Variants in SLC3A2 observed in about 807,000 individuals in gnomAD.
SLC3A2 encodes the protein solute carrier family 3 member 2.
SLC3A2 carries 32 observed loss-of-function variants against 48.5 expected under a neutral mutation model. The observed-to-expected ratio is 0.66, with a 90% CI of 0.50 to 0.89. SLC3A2 has a LOEUF of 0.89. SLC3A2 is among the 40% of genes least tolerant of loss of function. The pLI, the probability that SLC3A2 is intolerant of heterozygous loss-of-function variation, is 0.00. For synonymous variants in SLC3A2, 277 were observed against 288.8 expected (o/e 0.96, Z 0.41); for missense variants, 587 against 680.7 (o/e 0.86, Z 1.53).
chr11:62,856,170 C>A (rs1455920643), exon 1 of SLC3A2: 2 of 932,766 alleles, frequency 2.1e-6, no homozygotes, highest in South Asian at 1.8e-5. Context: ...CACTGCCTCA[C>A]GGCGATCCTG....
In SLC3A2 at chr11:62,867,016, T is replaced by C. The variant is rs184642754; in HGVS notation, c.112+10635T>C. The stretch of plus-strand genomic sequence containing the variant: ...TCTTTTTCTTTCTGTTTTTTTGAGA[T>C]GGAGTTTCTTGTTGTGCAGGCTGGA... On this transcript the variant is annotated intron_variant, in intron 1 of 9. Transcript: ENST00000377889. Among the ~76,000 whole-genome samples, 454 of 152,232 alleles carry C rather than the reference T, an allele frequency of 3.0e-3. 2 individuals carry two copies. Among genetic ancestry groups the C allele is most frequent in the African/African-American group, 9.4e-3 (389 of 41,544 alleles).
intron 7 of SLC3A2, among the ~76,000 whole-genome samples, chr11:62,886,277 A>G (rs1485521857): frequency 6.0e-5 from 9 of 149,330 alleles, no homozygotes; most frequent in Admixed American, 4.7e-4. Context: ...CGGCAGAGGG[A>G]GACTCCTTCT....
chr11:62,862,266 C>A (rs781373771), intron 1 of SLC3A2, among the ~76,000 whole-genome samples: 12 of 130,604 alleles, frequency 9.2e-5, no homozygotes, highest in Non-Finnish European at 1.9e-4. Flanking sequence ...ACGATGAGCT[C>A]ATCGCAACGA....
chr11:62,885,260 G>A lies in SLC3A2; in HGVS notation c.902G>A (p.Ser301Asn), dbSNP rs373560418. 2 of 1,614,202 alleles carry A rather than the reference G, an allele frequency of 1.2e-6. No homozygotes were observed. Among genetic ancestry groups the A allele is most frequent in the East Asian group, 4.5e-5 (2 of 44,878 alleles). The stretch of plus-strand genomic sequence containing the variant: ...TCCAACAAAGACTTGCTGTTGACTA[G>A]CTCATACCTGTCTGATTCTGGTTCT... ...LESNKDLLLT[S>N]SYLSDSGSTG... is the part of the protein sequence containing the mutation. The change falls in exon 6 of 9, where the codon AGC becomes AAC. Residue 301 changes from serine to asparagine, a missense_variant. This residue lies in a region of SLC3A2 where 409 missense variants were observed against 446.7 expected (regional missense o/e 0.92). Transcript: ENST00000338663.
intron 1 of SLC3A2, among the ~76,000 whole-genome samples, chr11:62,860,113 CTG>C (rs1236616905): frequency 4.6e-5 from 7 of 152,230 alleles, no homozygotes; most frequent in African/African-American, 1.4e-4. Context: ...GCAAAGGACT[CTG>C]TGTCATAAAT....
chr11:62,874,982 C>G (rs538671918), intron 1 of SLC3A2, among the ~76,000 whole-genome samples: 1 of 152,050 alleles, frequency 6.6e-6, no homozygotes, highest in East Asian at 1.9e-4. Context: ...AAGCTGGTCT[C>G]GAATTCCTGA....
chr11:62,883,379 T>C (rs2085667852), intron 3 of SLC3A2: 1 of 231,702 alleles, frequency 4.3e-6, no homozygotes. Context: ...CAGTCTGAAA[T>C]TATAAGCACT....
chr11:62,888,266 G>T, intron 8 of SLC3A2, 48 bp downstream of exon 8: 1 of 1,610,220 alleles, frequency 6.2e-7, no homozygotes. Flanking sequence ...GGTGGGCTGG[G>T]CTTGTAGAAG....
At chr11:62,873,260 G>A (rs1397426762) in intron 1 of SLC3A2, among the ~76,000 whole-genome samples, 2 of 151,780 alleles carry the variant, frequency 1.3e-5, no homozygotes, top group Non-Finnish European at 2.9e-5. Flanking sequence ...AGGCCAAGTC[G>A]GGCAGATCAT....
chr11:62,871,640 C>A, intron 1 of SLC3A2: 1 of 663,094 alleles, frequency 1.5e-6, no homozygotes. Flanking sequence ...GATCCTCCTG[C>A]CTTAGCTTCC....
At position 62,881,804 on chromosome 11, in the gene SLC3A2, T is replaced by TC. The variant is rs1565253491; in HGVS notation, c.425-86dup. On this transcript the variant is annotated intron_variant, in intron 1 of 8. Transcript: ENST00000338663. The surrounding 1 kb of genome is among the most constrained non-coding windows in gnomAD (Gnocchi z 4.0). ...TCTCTCCCCCTTTGCCCCCTCCCCGTCCCACCCTTAGGCGCTGGGAGAAGG... is the reference window on the plus strand; with the variant it reads ...TCTCTCCCCCTTTGCCCCCTCCCCGTCCCCACCCTTAGGCGCTGGGAGAAGG... 7 of 1,474,686 alleles carry TC rather than the reference T, an allele frequency of 4.7e-6. No individual in the cohort carries two copies. The highest frequency in any genetic ancestry group is 6.5e-6 in the Non-Finnish European group (7 of 1,080,428). 91.4% of individuals were successfully genotyped at this position (1,474,686 alleles called of 1,614,324 possible). A position where few individuals can be genotyped will look rare whatever the true frequency, so the allele number is the denominator to read the frequency against.
chr11:62,887,445 G>A (rs1176412406), intron 7 of SLC3A2, among the ~76,000 whole-genome samples: 2 of 152,172 alleles, frequency 1.3e-5, no homozygotes, highest in Non-Finnish European at 2.9e-5. Context: ...GCTTATGCCT[G>A]TAATCCCAGC....
intron 1 of SLC3A2, among the ~76,000 whole-genome samples, chr11:62,871,043 C>G (rs1461063497): frequency 6.6e-6 from 1 of 150,950 alleles, no homozygotes. Context: ...CGCCACCACG[C>G]CTGGCTAATT....
chr11:62,871,243 T>C (rs2085512903), intron 1 of SLC3A2, among the ~76,000 whole-genome samples: 1 of 147,340 alleles, frequency 6.8e-6, no homozygotes, highest in Admixed American at 6.8e-5. Context: ...GGCTTATCTT[T>C]TTTTTTTTTT....
At position 62,881,419 on chromosome 11, in the gene SLC3A2, C is replaced by T. The variant is rs749049155; in HGVS notation, c.396C>T (p.Phe132=). The change falls in exon 1 of 9, where the codon TTC becomes TTT. Residue 132 remains phenylalanine (F), a synonymous_variant. Coordinates refer to ENST00000338663, the MANE Select transcript of SLC3A2 (RefSeq NM_001013251.3). This position sits in a 1 kb window ranked among gnomAD's most constrained non-coding sequence, Gnocchi z 4.0. ...ALYRIGDLQA[F]QGHGAGNLAG... is the part of the protein sequence containing the mutation. ...ACCGCATCGGCGACCTTCAGGCCTTCCAGGGCCACGGCGCGGGCAACCTGG... is the reference window on the plus strand; with the variant it reads ...ACCGCATCGGCGACCTTCAGGCCTTTCAGGGCCACGGCGCGGGCAACCTGG... 3.8e-6 allele frequency: 6 copies of T among 1,590,290 alleles called. No homozygotes were observed. The African/African-American group carries it at 8.0e-5, about 21-fold the overall frequency.
chr11:62,876,686 C>T (rs2085574054), upstream of SLC3A2: 1 of 160,018 alleles, frequency 6.2e-6, no homozygotes, highest in South Asian at 1.3e-4. Context: ...ACTGCAATCC[C>T]TGCCTCATGG....
intron 1 of SLC3A2, among the ~76,000 whole-genome samples, chr11:62,871,218 C>A (rs1168074313): frequency 1.4e-5 from 2 of 146,142 alleles, no homozygotes; most frequent in African/African-American, 5.0e-5. Context: ...AAATAACATG[C>A]CTGCTGCCTG....
At chr11:62,860,506 T>C (rs1480316150) in intron 1 of SLC3A2, among the ~76,000 whole-genome samples, 3 of 150,994 alleles carry the variant, frequency 2.0e-5, no homozygotes, top group Non-Finnish European at 4.4e-5. Flanking sequence ...CCTCCAGCCA[T>C]AAGGCGGTTT....
rs747017667 is a variant in SLC3A2 at position 62,888,683 on chromosome 11, A to G, written c.1580A>G (p.Tyr527Cys). ...PHEGLLLRFP[Y>C]AA is the part of the protein sequence containing the mutation. ...GAAGGGCTGCTGCTCCGCTTCCCCT[A>G]CGCGGCCTGACTTCAGCCTGACATG... The change falls in exon 9 of 9, where the codon TAC (tyrosine) becomes TGC (cysteine). Residue 527 changes from tyrosine to cysteine, a missense_variant. Physicochemically the swap from Tyr to Cys is radical, Grantham distance 194 (BLOSUM62 -2). This residue lies in a region of SLC3A2 where 169 missense variants were observed against 204.4 expected (regional missense o/e 0.83). Coordinates refer to ENST00000338663, the MANE Select transcript of SLC3A2 (RefSeq NM_001013251.3). 5 of 1,591,182 alleles carry G rather than the reference A, an allele frequency of 3.1e-6. No individual in the cohort carries two copies. Among genetic ancestry groups the G allele is most frequent in the South Asian group, 2.2e-5 (2 of 90,454 alleles).
Sources: allele counts gnomAD v4.1 joint callset (sites outside exome capture counted in the v4.1 genomes callset), GRCh38; gene constraint gnomAD v4.1.1; regional missense constraint gnomAD v4.1.1; non-coding constraint Gnocchi (gnomAD v3.1); transcripts MANE v1.5; gene names NCBI Gene and HGNC (gene_info 2026-07-23, HGNC 2026-07-21).